Variants in FBXO3 observed in about 807,000 individuals in gnomAD.
The protein encoded by FBXO3 is F-box protein 3.
A neutral mutation model predicts 64.8 loss-of-function variants in FBXO3; 17 were observed. The ratio of observed to expected loss-of-function variants is 0.26; its 90% confidence interval spans 0.18 to 0.39. The LOEUF (loss-of-function observed/expected upper bound fraction) is 0.39. Ranked by LOEUF, FBXO3 falls within the 10% of genes least tolerant of loss-of-function variation. The pLI is 1.00. For synonymous variants in FBXO3, 182 were observed against 201.6 expected (o/e 0.90, Z 0.82); for missense variants, 420 against 589.9 (o/e 0.71, Z 2.98).
At chr11:33,769,376 A>C (rs1462670204) in intron 2 of FBXO3, among the ~76,000 whole-genome samples, 3 of 152,164 alleles carry the variant, frequency 2.0e-5, no homozygotes, top group Non-Finnish European at 2.9e-5. Flanking sequence ...AATACTTAGA[A>C]TCTTGTGATA....
At chr11:33,774,286 G>A in intron 1 of FBXO3, 108 bp downstream of exon 1, 1 of 960,612 alleles carries the variant, frequency 1.0e-6, no homozygotes, top group Non-Finnish European at 1.6e-6. Context: ...GTCACCTTCT[G>A]GTGTCGCGGA....
intron 8 of FBXO3, among the ~76,000 whole-genome samples, chr11:33,750,111 C>T (rs966485880): frequency 6.6e-6 from 1 of 152,068 alleles, no homozygotes. Flanking sequence ...TAATAAAATT[C>T]AATGTCTAAC....
chr11:33,770,877 C>T (rs1162698353), intron 1 of FBXO3, 47 bp from the exon 2 acceptor site: 1 of 1,403,634 alleles, frequency 7.1e-7, no homozygotes, highest in Non-Finnish European at 9.9e-7. Flanking sequence ...AGTAAGAAAA[C>T]AATTTAAAAA....
At chr11:33,757,350 A>G (rs1855123404) in intron 4 of FBXO3, among the ~76,000 whole-genome samples, 1 of 151,730 alleles carries the variant, frequency 6.6e-6, no homozygotes, top group Non-Finnish European at 1.5e-5. Context: ...AAGTTCCACA[A>G]TGTAAAGTGG....
chr11:33,771,047 T>C (rs1855498695), intron 1 of FBXO3: 2 of 415,476 alleles, frequency 4.8e-6, no homozygotes, highest in South Asian at 3.8e-5. Flanking sequence ...AAATAAACCC[T>C]GAAACATCTA....
At chr11:33,756,041 T>C (rs1855089029) in intron 4 of FBXO3, 66 bp from the exon 5 acceptor site, 1 of 1,289,580 alleles carries the variant, frequency 7.8e-7, no homozygotes, top group Admixed American at 1.8e-5. Context: ...TTCATCTTTC[T>C]GATGAATAAT....
Position 33,755,981 on chromosome 11 carries a change from G to A in FBXO3, c.474-6C>T, listed in dbSNP as rs1191152556. On this transcript the variant is annotated splice_polypyrimidine_tract_variant and splice_region_variant and intron_variant, in intron 4 of 10. Coordinates refer to ENST00000265651, the MANE Select transcript of FBXO3 (RefSeq NM_012175.4). The stretch of plus-strand genomic sequence containing the variant: ...GTGCCATGCTTCCCAATAACCTGAG[G>A]AGCATACAGACTCAAACATGTAATA... The A allele has an allele frequency of 6.2e-7, 1 of 1,612,168 alleles. No homozygotes were observed. The highest frequency in any genetic ancestry group is 8.5e-7 in the Non-Finnish European group (1 of 1,178,516).
In FBXO3 at chr11:33,741,932, T is replaced by C. The variant is rs1242882718; in HGVS notation, c.1392A>G (p.Arg464=). ...GCTAAAAAAGGCGTGAGCAGCGGCG[T>C]CTGCGAATGGGAACATCAAAGACTC... ...RRRVFDVPIR[R]RRCSRLF The change falls in exon 11 of 11, where the codon AGA becomes AGG. Residue 464 remains arginine (R), a synonymous_variant. Transcript: ENST00000265651. 6.2e-7 allele frequency: 1 copy of C among 1,613,168 alleles called. No homozygotes were observed. Among genetic ancestry groups the C allele is most frequent in the Non-Finnish European group, 8.5e-7 (1 of 1,179,554 alleles).
Position 33,769,000 on chromosome 11 carries a change from T to G in FBXO3, c.209A>C (p.Gln70Pro). Residue 70 changes from glutamine (Q) to proline (P), a missense_variant, in exon 3 of 11, where the codon CAG (glutamine) becomes CCG (proline). This residue lies in a region of FBXO3 where 337 missense variants were observed against 518.4 expected (regional missense o/e 0.65). Coordinates refer to ENST00000265651, the MANE Select transcript of FBXO3 (RefSeq NM_012175.4). ...GAGAGATTTCCAACACTGATTCTTC[T>G]GTGTTTTCTCTTCCCTAAATAGATG... is the stretch of plus-strand genomic sequence containing the variant. The part of the protein sequence containing the change: ...YWLISEEEKT[Q>P]KNQCWKSLFI... The G allele has an allele frequency of 6.2e-7, 1 of 1,610,742 alleles. No individual in the cohort carries two copies. The highest frequency in any genetic ancestry group is 1.7e-5 in the Admixed American group (1 of 59,288).
chr11:33,756,159 G>GA (rs1244401191), intron 4 of FBXO3, among the ~76,000 whole-genome samples, 184 bp from the exon 5 acceptor site: 2 of 152,170 alleles, frequency 1.3e-5, no homozygotes, highest in East Asian at 1.9e-4. Flanking sequence ...CTTTTGATTG[G>GA]AAAAAAGATT....
intron 3 of FBXO3, among the ~76,000 whole-genome samples, chr11:33,763,981 T>C (rs186275328): frequency 3.3e-5 from 5 of 152,322 alleles, no homozygotes; most frequent in African/African-American, 4.8e-5. Flanking sequence ...ACACCATCTT[T>C]TGAAGTTTAA....
Position 33,757,656 on chromosome 11 carries a change from TAAAAAAA to T in FBXO3, c.473+824_473+830del, listed in dbSNP as rs1170445394. 1.3e-3 allele frequency among the ~76,000 whole-genome samples: 31 copies of T among 23,982 alleles called. 1 individual carries two copies. The highest frequency in any genetic ancestry group is 3.6e-3 in the African/African-American group (23 of 6,444). 15.7% of individuals were successfully genotyped at this position (23,982 alleles called of 152,430 possible). ...GGCAACACACCAAGACACCATCTCT[TAAAAAAA>T]AAAAAAAAAAAAAAAAAAGTCTGGG... On this transcript the variant is annotated intron_variant, in intron 4 of 10. Transcript: ENST00000265651.
intron 6 of FBXO3, among the ~76,000 whole-genome samples, chr11:33,751,881 A>G (rs1854969267): frequency 6.6e-6 from 1 of 152,228 alleles, no homozygotes; most frequent in Admixed American, 6.5e-5. Flanking sequence ...ATAATTAATC[A>G]AATTTTAAAC....
Position 33,741,892 on chromosome 11 carries a change from A to G in FBXO3, c.*16T>C. The G allele has an allele frequency of 1.2e-6, 2 of 1,606,066 alleles. No homozygotes were observed. The highest frequency in any genetic ancestry group is 1.7e-6 in the Non-Finnish European group (2 of 1,176,280). ...AGCCTAGAATCATCCTAGTGCTTCC[A>G]TCAGCAGAAGGCTTGCTAAAAAAGG... On this transcript the variant is annotated 3_prime_UTR_variant, in exon 11 of 11. Transcript: ENST00000265651.
At chr11:33,754,157 T>G (rs1467252064) in intron 6 of FBXO3, 2 of 258,244 alleles carry the variant, frequency 7.7e-6, no homozygotes, top group Admixed American at 5.4e-5. Context: ...TACATGTGCA[T>G]GTTAAGAAAA....
intron 2 of FBXO3, 126 bp downstream of exon 2, chr11:33,770,615 C>A: frequency 1.5e-6 from 1 of 651,356 alleles, no homozygotes; most frequent in Non-Finnish European, 2.7e-6. Flanking sequence ...CATTTACTAG[C>A]AGGCACGAGA....
intron 7 of FBXO3, 146 bp from the exon 8 acceptor site, chr11:33,750,807 A>C (rs1564987581): frequency 1.6e-6 from 1 of 638,650 alleles, no homozygotes; most frequent in Non-Finnish European, 2.5e-6. Context: ...AGTCCTATTA[A>C]ACTTTGAAGG....
intron 10 of FBXO3, chr11:33,745,629 T>C (rs1854796423): frequency 6.6e-6 from 1 of 152,170 alleles, no homozygotes; most frequent in South Asian, 2.1e-4. Flanking sequence ...TATTTTGAAC[T>C]ACGCGTTCAT....
chr11:33,770,132 T>C (rs1855477652), intron 2 of FBXO3, among the ~76,000 whole-genome samples: 1 of 152,186 alleles, frequency 6.6e-6, no homozygotes, highest in Admixed American at 6.5e-5. Context: ...GATCTAGCAA[T>C]ACTTAAAATT....
Sources: allele counts gnomAD v4.1 joint callset (sites outside exome capture counted in the v4.1 genomes callset), GRCh38; gene constraint gnomAD v4.1.1; regional missense constraint gnomAD v4.1.1; transcripts MANE v1.5; gene names NCBI Gene and HGNC (gene_info 2026-07-23, HGNC 2026-07-21).